SCOC: variants seen among roughly 807,000 people sequenced by gnomAD.
The protein encoded by SCOC is short coiled-coil protein.
Under a neutral mutation model 9.9 loss-of-function variants are expected in SCOC, and 7 were observed. The ratio of observed to expected loss-of-function variants is 0.71; its 90% CI spans 0.40 to 1.33. The LOEUF (loss-of-function observed/expected upper bound fraction) is 1.33. Ranked by LOEUF, SCOC falls within the 40% of genes most tolerant of loss-of-function variation. The pLI is 0.01. For missense variants in SCOC, 66 were observed against 89.7 expected (o/e 0.74, Z 1.07); for synonymous variants, 19 against 28.2 (o/e 0.67, Z 1.03).
At chr4:140,293,241 A>G in intron 1 of SCOC, 1 of 451,716 alleles carries the variant, frequency 2.2e-6, no homozygotes, top group South Asian at 1.6e-5. Flanking sequence ...GGTGCCAGGG[A>G]ATAACCATAC....
chr4:140,290,292 C>T (rs553740746), intron 1 of SCOC, among the ~76,000 whole-genome samples: 12 of 152,186 alleles, frequency 7.9e-5, no homozygotes, highest in Non-Finnish European at 1.2e-4. Flanking sequence ...AATCTCAGAC[C>T]CTTCACAGAT....
intron 2 of SCOC, among the ~76,000 whole-genome samples, chr4:140,359,084 C>A (rs1348278093): frequency 1.3e-5 from 2 of 151,702 alleles, no homozygotes; most frequent in East Asian, 3.9e-4. Flanking sequence ...ACAATTTACC[C>A]ACAAGTTTGT....
chr4:140,355,228 T>G (rs201317921), intron 2 of SCOC, among the ~76,000 whole-genome samples: 11,927 of 128,558 alleles, frequency 0.093, 693 homozygotes, highest in African/African-American at 0.16. Context: ...TATATATATA[T>G]ATATATATAT....
At chr4:140,340,470 A>G (rs927714137), upstream of SCOC, among the ~76,000 whole-genome samples, 1 of 152,142 alleles carries the variant, frequency 6.6e-6, no homozygotes, top group Non-Finnish European at 1.5e-5. Context: ...ATAATAAAAA[A>G]AAAAGAAAAG....
chr4:140,373,791 C>G (rs1728184319), intron 1 of SCOC, 74 bp downstream of exon 1: 2 of 1,439,450 alleles, frequency 1.4e-6, no homozygotes, highest in South Asian at 1.2e-5. Context: ...CTCCGAGGGC[C>G]TGGAGGGCGG....
At chr4:140,374,078 A>G (rs1172328982) in intron 1 of SCOC, 2 of 488,722 alleles carry the variant, frequency 4.1e-6, no homozygotes, top group Admixed American at 4.6e-5. Flanking sequence ...GTTTGGGTGG[A>G]ATGGGACCTG....
chr4:140,323,462 T>C (rs1365937368), intron 1 of SCOC, among the ~76,000 whole-genome samples: 1 of 152,130 alleles, frequency 6.6e-6, no homozygotes, highest in Non-Finnish European at 1.5e-5. Flanking sequence ...GATTCTTAGA[T>C]AAAGTCATAA....
chr4:140,362,305 T>TGTTCTTCTTCTTCTTC (rs1357436782), intron 2 of SCOC, among the ~76,000 whole-genome samples: 1 of 9,240 alleles, frequency 1.1e-4, no homozygotes, highest in African/African-American at 3.2e-4. Context: ...TCTTCTTTTT[T>TGTTCTTCTTCTTCTTC]TTTTTTTTTT....
intron 1 of SCOC, among the ~76,000 whole-genome samples, chr4:140,258,389 T>C (rs1037307015): frequency 1.3e-5 from 2 of 152,242 alleles, no homozygotes; most frequent in Admixed American, 1.3e-4. Flanking sequence ...TTTCCAAATG[T>C]ATAGGAGACA....
chr4:140,308,028 T>C (rs561631202), intron 1 of SCOC, among the ~76,000 whole-genome samples: 1 of 152,322 alleles, frequency 6.6e-6, no homozygotes, highest in South Asian at 2.1e-4. Flanking sequence ...GAAGAGGATG[T>C]CAGGTATTTG....
intron 1 of SCOC, among the ~76,000 whole-genome samples, chr4:140,267,917 T>C (rs531625165): frequency 2.0e-5 from 3 of 152,336 alleles, no homozygotes; most frequent in African/African-American, 7.2e-5. Context: ...CCTCCGGAGC[T>C]GGTCAGCTCT....
intron 1 of SCOC, chr4:140,376,814 T>C (rs1195994872): frequency 6.6e-6 from 1 of 152,230 alleles, no homozygotes; most frequent in Non-Finnish European, 1.5e-5. Flanking sequence ...GCAGACTTTT[T>C]GGTTTAATTT....
At chr4:140,264,428 G>A (rs180986926) in intron 1 of SCOC, among the ~76,000 whole-genome samples, 1 of 152,254 alleles carries the variant, frequency 6.6e-6, no homozygotes, top group Admixed American at 6.5e-5. Flanking sequence ...ATGTGTGACA[G>A]GGAAATAATA....
chr4:140,369,236 T>C, upstream of SCOC: 1 of 443,268 alleles, frequency 2.3e-6, no homozygotes, highest in South Asian at 1.6e-5. Context: ...GAGTATAGTA[T>C]ACTAGGCTGT....
At chr4:140,259,009 C>T (rs1730571194) in intron 1 of SCOC, among the ~76,000 whole-genome samples, 2 of 152,190 alleles carry the variant, frequency 1.3e-5, no homozygotes, top group South Asian at 4.1e-4. Flanking sequence ...TCTGTTTGCT[C>T]TCAACAAGTG....
chr4:140,370,298 T>A (rs549967747), upstream of SCOC, among the ~76,000 whole-genome samples: 2 of 152,166 alleles, frequency 1.3e-5, no homozygotes, highest in Non-Finnish European at 2.9e-5. Flanking sequence ...TTTTGATGAA[T>A]TTTCCAAGTG....
At chr4:140,338,854 T>C (rs939927654), upstream of SCOC, among the ~76,000 whole-genome samples, 4 of 152,108 alleles carry the variant, frequency 2.6e-5, no homozygotes, top group African/African-American at 7.2e-5. Flanking sequence ...GAATCAATAT[T>C]GTGAAAATGG....
intron 2 of SCOC, among the ~76,000 whole-genome samples, chr4:140,352,088 C>T (rs1394320094): frequency 6.6e-6 from 1 of 152,206 alleles, no homozygotes; most frequent in African/African-American, 2.4e-5. Context: ...AAGTGGCGAG[C>T]GCTGGCTGAG....
intron 1 of SCOC, among the ~76,000 whole-genome samples, chr4:140,260,431 A>G (rs577137716): frequency 1.7e-4 from 26 of 152,328 alleles, no homozygotes; most frequent in African/African-American, 6.3e-4. Flanking sequence ...TCATAACATT[A>G]CATATCTGGA....
Sources: allele counts gnomAD v4.1 joint callset (sites outside exome capture counted in the v4.1 genomes callset), GRCh38; gene constraint gnomAD v4.1.1; transcripts MANE v1.5; gene names NCBI Gene and HGNC (gene_info 2026-07-23, HGNC 2026-07-21).